Variants in DGKB observed in about 807,000 individuals in gnomAD.
DGKB encodes the protein 90 kDa diacylglycerol kinase.
In DGKB, 67 loss-of-function variants were observed where a neutral mutation model predicts 114.3. The observed-to-expected ratio is 0.59, with a 90% CI of 0.48 to 0.72. DGKB has a LOEUF of 0.72. DGKB is among the 30% of genes least tolerant of loss of function. DGKB has a pLI of 0.00. For synonymous variants in DGKB, 398 were observed against 323.1 expected, an observed-to-expected ratio of 1.23 and a Z score of -2.49; for missense variants, 907 against 975.2, an observed-to-expected ratio of 0.93 and a Z score of 0.93.
intron 20 of DGKB, among the ~76,000 whole-genome samples, chr7:14,497,010 A>G (rs1785397019): frequency 6.6e-6 from 1 of 151,874 alleles, no homozygotes; most frequent in African/African-American, 2.4e-5. Flanking sequence ...ACTCAGCCAT[A>G]AACAAATGAA....
intron 1 of DGKB, among the ~76,000 whole-genome samples, chr7:14,889,822 G>C (rs1456358395): frequency 1.3e-5 from 2 of 151,438 alleles, no homozygotes; most frequent in Non-Finnish European, 3.0e-5. Context: ...GGACAACTTT[G>C]ACTTGATAGA....
At chr7:14,463,277 C>T (rs769545888) in intron 21 of DGKB, among the ~76,000 whole-genome samples, 1 of 152,008 alleles carries the variant, frequency 6.6e-6, no homozygotes, top group Non-Finnish European at 1.5e-5. Context: ...TAGCACTGGG[C>T]ATAATACCTA....
intron 6 of DGKB, among the ~76,000 whole-genome samples, chr7:14,713,817 A>C (rs1827753130): frequency 1.3e-5 from 2 of 151,890 alleles, no homozygotes; most frequent in Non-Finnish European, 1.5e-5. Flanking sequence ...TTCCCTATTG[A>C]TTTTCTCTTT....
At position 14,434,404 on chromosome 7, in the gene DGKB, T is replaced by C. The variant is rs147132983; in HGVS notation, c.1835+43757A>G. Among the ~76,000 whole-genome samples, 538 of 152,082 alleles carry C rather than the reference T, an allele frequency of 3.5e-3. 4 individuals are homozygous for C. Among genetic ancestry groups the C allele is most frequent in the African/African-American group, 0.012 (506 of 41,496 alleles). ...GGTGAGCCAAATGTAATCACAAGGG[T>C]CCTCAAAAATGAGAGGCAGAAGAGA... On this transcript the variant is annotated intron_variant, in intron 21 of 25. Transcript: ENST00000402815.
chr7:14,643,449 A>G (rs1812236734), intron 13 of DGKB, among the ~76,000 whole-genome samples: 1 of 152,170 alleles, frequency 6.6e-6, no homozygotes, highest in African/African-American at 2.4e-5. Context: ...TCACCAGAAT[A>G]CATTCTGACT....
At chr7:14,604,534 G>T (rs535006688) in intron 17 of DGKB, among the ~76,000 whole-genome samples, 3 of 152,204 alleles carry the variant, frequency 2.0e-5, no homozygotes, top group African/African-American at 7.2e-5. Flanking sequence ...ACTTTCAAGA[G>T]TATGCATTCA....
At chr7:14,520,339 G>T (rs1007719993) in intron 20 of DGKB, among the ~76,000 whole-genome samples, 15 of 147,676 alleles carry the variant, frequency 1.0e-4, no homozygotes, top group African/African-American at 3.7e-4. Flanking sequence ...ATTGATTTGT[G>T]TTCTAATGTT....
At chr7:14,166,877 G>C (rs1283185624) in intron 25 of DGKB, among the ~76,000 whole-genome samples, 2 of 152,064 alleles carry the variant, frequency 1.3e-5, no homozygotes, top group Non-Finnish European at 2.9e-5. Context: ...AAATAGGAAA[G>C]AAGGGCCCTA....
intron 1 of DGKB, chr7:14,974,663 A>G (rs1053247567): frequency 6.6e-6 from 1 of 152,152 alleles, no homozygotes; most frequent in African/African-American, 2.4e-5. Context: ...TCAAAAAGTT[A>G]AAGCATACAT....
chr7:14,763,311 C>T (rs148151559), intron 2 of DGKB, among the ~76,000 whole-genome samples: 2 of 152,208 alleles, frequency 1.3e-5, no homozygotes, highest in East Asian at 3.9e-4. Context: ...CATAATAACT[C>T]TCTCAGAATC....
intron 23 of DGKB, among the ~76,000 whole-genome samples, chr7:14,197,393 T>TAA (rs370798048): frequency 7.0e-6 from 1 of 143,132 alleles, no homozygotes. Context: ...GAACAAACCG[T>TAA]AAAAAAAAAA....
intron 1 of DGKB, among the ~76,000 whole-genome samples, chr7:14,913,110 G>A (rs1441161653): frequency 1.3e-5 from 2 of 152,026 alleles, no homozygotes; most frequent in Non-Finnish European, 2.9e-5. Context: ...CAATGTTCCA[G>A]CATTGTGGAT....
rs144787827 is a variant in DGKB, at chr7:14,225,085, A to G, written c.2123-46934T>C. Among the ~76,000 whole-genome samples the G allele has an allele frequency of 2.6e-3, 390 of 152,012 alleles. 1 individual carries two copies. Among genetic ancestry groups the G allele is most frequent in the African/African-American group, 8.8e-3 (363 of 41,484 alleles). ...CAAAGAATCCACCAATCTCCCCCCA[A>G]TTGCCTTTCATCATTACCTTCACTG... On this transcript the variant is annotated intron_variant, in intron 23 of 25. Coordinates refer to ENST00000402815, the MANE Select transcript of DGKB (RefSeq NM_001350709.2).
chr7:14,417,168 A>C (rs1421045781), intron 21 of DGKB, among the ~76,000 whole-genome samples: 1 of 152,088 alleles, frequency 6.6e-6, no homozygotes, highest in Non-Finnish European at 1.5e-5. Flanking sequence ...CATAATGATT[A>C]GGTGTTTTCC....
At chr7:14,924,098 A>G (rs1784639395) in intron 1 of DGKB, among the ~76,000 whole-genome samples, 1 of 150,758 alleles carries the variant, frequency 6.6e-6, no homozygotes, top group African/African-American at 2.4e-5. Flanking sequence ...ACTGAGCTCT[A>G]ATGACACTCT....
intron 21 of DGKB, among the ~76,000 whole-genome samples, chr7:14,366,638 A>T (rs1227894116): frequency 6.6e-6 from 1 of 152,148 alleles, no homozygotes; most frequent in Non-Finnish European, 1.5e-5. Flanking sequence ...CGTAATGCAA[A>T]TTATTGCACC....
intron 23 of DGKB, among the ~76,000 whole-genome samples, chr7:14,228,031 G>C (rs995062831): frequency 6.6e-6 from 1 of 152,016 alleles, no homozygotes; most frequent in African/African-American, 2.4e-5. Flanking sequence ...GTATAGAGTA[G>C]TTTAACCCAT....
intron 23 of DGKB, among the ~76,000 whole-genome samples, chr7:14,198,323 C>T (rs1312197860): frequency 6.6e-6 from 1 of 152,050 alleles, no homozygotes; most frequent in East Asian, 1.9e-4. Context: ...TCTAAGATTT[C>T]ACCTTTCTTG....
chr7:14,264,129 T>TAAGA (rs1463419138), intron 23 of DGKB, among the ~76,000 whole-genome samples: 5 of 152,154 alleles, frequency 3.3e-5, no homozygotes, highest in Non-Finnish European at 5.9e-5. Context: ...TTGCCAGTAG[T>TAAGA]AAGATGAGGG....
Sources: allele counts gnomAD v4.1 joint callset (sites outside exome capture counted in the v4.1 genomes callset), GRCh38; gene constraint gnomAD v4.1.1; transcripts MANE v1.5; gene names NCBI Gene and HGNC (gene_info 2026-07-23, HGNC 2026-07-21).